Variants in R3HDM1 observed in about 807,000 individuals in gnomAD.
The protein encoded by R3HDM1 is R3H domain containing 1, also known as R3H domain-containing protein 1.
In R3HDM1, 46 loss-of-function variants were observed where a neutral mutation model predicts 141.1. The ratio of observed to expected loss-of-function variants is 0.33; its 90% CI spans 0.26 to 0.42. R3HDM1 has a LOEUF of 0.42. Among genes scored for constraint, R3HDM1 ranks in the 10% least tolerant of loss-of-function variants. The pLI is 1.00. For synonymous variants in R3HDM1, 435 were observed against 472.9 expected, an observed-to-expected ratio of 0.92 and a Z score of 1.04; for missense variants, 1,184 against 1,368.3, an observed-to-expected ratio of 0.87 and a Z score of 2.12.
At chr2:135,690,297 G>C (rs313530) in intron 21 of R3HDM1, among the ~76,000 whole-genome samples, 4,474 of 152,126 alleles carry the variant, frequency 0.029, 202 homozygotes, top group African/African-American at 0.093. Context: ...CTGTCGATCT[G>C]AACTATATCT....
chr2:135,663,996 T>A (rs1275475154), intron 19 of R3HDM1, among the ~76,000 whole-genome samples: 6 of 143,362 alleles, frequency 4.2e-5, no homozygotes, highest in Non-Finnish European at 8.9e-5. Context: ...ATGGCGCCAC[T>A]GCACTCCAGC....
At chr2:135,577,975 C>T (rs547072358) in intron 1 of R3HDM1, among the ~76,000 whole-genome samples, 4 of 152,116 alleles carry the variant, frequency 2.6e-5, no homozygotes, top group African/African-American at 4.8e-5. Context: ...TACACACTAG[C>T]ATAGCTCTTC....
chr2:135,557,809 G>T (rs1157766748), intron 1 of R3HDM1, among the ~76,000 whole-genome samples: 4 of 152,194 alleles, frequency 2.6e-5, no homozygotes, highest in African/African-American at 9.7e-5. Flanking sequence ...GACATTGAGT[G>T]ATATTATTAC....
intron 21 of R3HDM1, among the ~76,000 whole-genome samples, chr2:135,692,131 C>T (rs576285963): frequency 1.2e-4 from 19 of 152,070 alleles, no homozygotes; most frequent in African/African-American, 4.3e-4. Flanking sequence ...AGGCAGGTCT[C>T]GAACTGAACC....
chr2:135,600,044 A>G (rs2059493063), intron 1 of R3HDM1, among the ~76,000 whole-genome samples: 2 of 151,916 alleles, frequency 1.3e-5, no homozygotes, highest in Non-Finnish European at 2.9e-5. Flanking sequence ...TAAAAAAAAA[A>G]AAAATTAAAA....
chr2:135,674,207 A>C (rs2068802879), intron 19 of R3HDM1, among the ~76,000 whole-genome samples: 1 of 152,250 alleles, frequency 6.6e-6, no homozygotes, highest in African/African-American at 2.4e-5. Context: ...GCTACCAGAC[A>C]ACTACAGTGA....
intron 20 of R3HDM1, among the ~76,000 whole-genome samples, chr2:135,679,949 G>A (rs575483304): frequency 5.9e-5 from 9 of 152,168 alleles, no homozygotes; most frequent in East Asian, 1.9e-4. Flanking sequence ...GCATGGTAGC[G>A]CATGCCTGTA....
intron 1 of R3HDM1, among the ~76,000 whole-genome samples, chr2:135,577,920 A>T (rs183786725): frequency 3.3e-4 from 50 of 152,216 alleles, no homozygotes; most frequent in African/African-American, 1.1e-3. Flanking sequence ...AAAAAGAATG[A>T]CAGCTAATTC....
intron 1 of R3HDM1, among the ~76,000 whole-genome samples, chr2:135,566,232 C>T (rs1296968128): frequency 6.6e-6 from 1 of 152,162 alleles, no homozygotes; most frequent in Non-Finnish European, 1.5e-5. Context: ...GAGCTAGACA[C>T]ACCCTTTTGA....
chr2:135,619,220 T>C (rs536704379), intron 5 of R3HDM1, among the ~76,000 whole-genome samples: 10 of 152,268 alleles, frequency 6.6e-5, no homozygotes, highest in African/African-American at 2.4e-4. Context: ...CATAAATCTG[T>C]TAATACAGAG....
intron 17 of R3HDM1, 97 bp from the exon 18 acceptor site, chr2:135,651,633 A>C: frequency 6.8e-7 from 1 of 1,465,222 alleles, no homozygotes; most frequent in South Asian, 1.6e-5. Flanking sequence ...CATAATGTGT[A>C]CTATTGCATC....
rs375158983 is a variant in R3HDM1 at position 135,661,251 on chromosome 2, G to A, written c.2029-19G>A. ...ATGCAAGTAAAATTGATTTTTTCCC[G>A]CAATATTTATGATCCTAGATGCCAG... On this transcript the variant is annotated intron_variant, in intron 18 of 26. Transcript: ENST00000683871. 6.5e-5 allele frequency: 104 copies of A among 1,611,384 alleles called. No homozygotes were observed. The highest frequency in any genetic ancestry group is 1.5e-4 in the African/African-American group (11 of 74,734).
chr2:135,555,204 G>A (rs749360735), intron 1 of R3HDM1, among the ~76,000 whole-genome samples: 16 of 151,476 alleles, frequency 1.1e-4, no homozygotes, highest in Non-Finnish European at 2.1e-4. Context: ...GGAGGCTGAG[G>A]CAGAATTGCT....
At position 135,626,196 on chromosome 2, in the gene R3HDM1, C is replaced by CGTGT. The variant is rs1362695757; in HGVS notation, c.497+3467_497+3468insTGTG. On this transcript the variant is annotated intron_variant, in intron 7 of 26. Coordinates refer to ENST00000683871, the MANE Select transcript of R3HDM1 (RefSeq NM_001378107.1). ...AACTGCTTGCTTGCGTGCGTGCGTG[C>CGTGT]GTGCGTGCGTGCGTGCTTGCTTGCT... 2.1e-5 allele frequency among the ~76,000 whole-genome samples: 3 copies of CGTGT among 141,724 alleles called. No homozygotes were observed. The East Asian group carries it at 6.4e-4, about 30-fold the overall frequency. 93.0% of individuals were successfully genotyped at this position (141,724 alleles called of 152,430 possible).
intron 1 of R3HDM1, among the ~76,000 whole-genome samples, chr2:135,544,211 A>C (rs1455794121): frequency 3.3e-5 from 5 of 152,190 alleles, no homozygotes; most frequent in Non-Finnish European, 7.3e-5. Context: ...TTCCAGTGAA[A>C]GGTACAAATA....
At chr2:135,550,174 T>G in intron 1 of R3HDM1, 2 of 984,930 alleles carry the variant, frequency 2.0e-6, no homozygotes, top group Non-Finnish European at 2.4e-6. Flanking sequence ...TTTTACACAC[T>G]CCACAGCTTT....
intron 7 of R3HDM1, 157 bp downstream of exon 7, chr2:135,622,889 T>C: frequency 1.0e-6 from 1 of 983,732 alleles, no homozygotes; most frequent in Middle Eastern, 5.2e-4. Flanking sequence ...GTTGTTGGTC[T>C]AGTATATGCA....
chr2:135,643,968 G>A (rs190327146), intron 15 of R3HDM1, among the ~76,000 whole-genome samples: 36 of 152,258 alleles, frequency 2.4e-4, no homozygotes, highest in African/African-American at 8.2e-4. Flanking sequence ...ATTGGAAGGT[G>A]GAGGGTGGGA....
chr2:135,645,609 T>C, intron 16 of R3HDM1, 82 bp downstream of exon 16: 1 of 1,471,990 alleles, frequency 6.8e-7, no homozygotes, highest in Non-Finnish European at 9.3e-7. Flanking sequence ...ATAATTGAGA[T>C]AGCCTAAGTA....
Sources: gnomAD v4.1 joint callset for allele counts (sites outside exome capture counted in the v4.1 genomes callset) on GRCh38, gnomAD v4.1.1 for gene constraint, MANE v1.5 for transcripts, NCBI Gene and HGNC (gene_info 2026-07-23, HGNC 2026-07-21) for gene names.